The following SPRR1B variants were observed in gnomAD, a reference collection of about 807,000 sequenced individuals.
The protein encoded by SPRR1B is cornifin-B.
SPRR1B carries 1 observed loss-of-function variant against 1.2 expected under a neutral mutation model. That is an observed-to-expected ratio of 0.82 (90% CI 0.29 to 3.89). SPRR1B has a LOEUF of 3.89. Ranked by LOEUF, SPRR1B falls within the 30% of genes most tolerant of loss-of-function variation. The pLI, the probability that SPRR1B is intolerant of heterozygous loss-of-function variation, is 0.18. For missense variants in SPRR1B, 102 were observed against 106.0 expected, an observed-to-expected ratio of 0.96 and a Z score of 0.17; for synonymous variants, 37 against 38.3, an observed-to-expected ratio of 0.97 and a Z score of 0.13.
rs557843188 is a variant in SPRR1B, at chr1:153,032,876, C to G, written c.*261C>G. On this transcript the variant is annotated 3_prime_UTR_variant, in exon 2 of 2. Coordinates refer to ENST00000307098, the MANE Select transcript of SPRR1B (RefSeq NM_003125.3). ...GCAAATGATTCAGCTCCCTTATACC[C>G]CCATTAAATTCACTTTCAATTCCAC... The G allele has an allele frequency of 1.7e-6, 1 of 589,470 alleles. No individual in the cohort carries two copies. The highest frequency in any genetic ancestry group is 2.9e-5 in the South Asian group (1 of 34,950). 36.5% of individuals were successfully genotyped at this position (589,470 alleles called of 1,614,324 possible).
chr1:153,032,525 G>A lies in SPRR1B; in HGVS notation c.180G>A (p.Lys60=), dbSNP rs746640756. ...HPKVPEPCQP[K]VPEPCHPKVP... ...AAGTGCCCGAGCCCTGCCAGCCCAA[G>A]GTTCCAGAGCCATGCCACCCCAAGG... is the stretch of plus-strand genomic sequence containing the variant. The change falls in exon 2 of 2, where the codon AAG becomes AAA. Residue 60 remains lysine, a synonymous_variant. Transcript: ENST00000307098. 2.0e-6 allele frequency: 3 copies of A among 1,492,736 alleles called. No individual in the cohort carries two copies. The highest frequency in any genetic ancestry group is 2.8e-6 in the Non-Finnish European group (3 of 1,083,158). 92.5% of individuals were successfully genotyped at this position (1,492,736 alleles called of 1,614,324 possible).
rs1346256131 is a variant in SPRR1B at position 153,032,544 on chromosome 1, C to T, written c.199C>T (p.Pro67Ser). The change falls in exon 2 of 2, where the codon CCC becomes TCC. Residue 67 changes from proline (P) to serine (S), a missense_variant. Physicochemically the swap from Pro to Ser is moderately conservative, Grantham distance 74. Coordinates refer to ENST00000307098, the MANE Select transcript of SPRR1B (RefSeq NM_003125.3). ...GCCCAAGGTTCCAGAGCCATGCCAC[C>T]CCAAGGTGCCTGAGCCCTGCCCTTC... Reference protein sequence around the residue: ...CQPKVPEPCHPKVPEPCPSIV... With the variant: ...CQPKVPEPCHSKVPEPCPSIV... 1 of 1,608,168 alleles carries T rather than the reference C, an allele frequency of 6.2e-7. No individual in the cohort carries two copies. Among genetic ancestry groups the T allele is most frequent in the Non-Finnish European group, 8.5e-7 (1 of 1,175,566 alleles).
At position 153,032,351 on chromosome 1, in the gene SPRR1B, T is replaced by A. The variant is rs1420617336; in HGVS notation, c.6T>A (p.Ser2Arg). The change falls in exon 2 of 2, where the codon AGT becomes AGA. Residue 2 changes from serine (S) to arginine (R), a missense_variant. Transcript: ENST00000307098. Reference sequence around the variant, plus strand: ...GGACCAGTCACTGTTGCAGCATGAGTTCCCAGCAGCAGAAGCAGCCTTGCA... The same window carrying A: ...GGACCAGTCACTGTTGCAGCATGAGATCCCAGCAGCAGAAGCAGCCTTGCA... MSSQQQKQPCTP... is the reference protein window; with the variant it reads MRSQQQKQPCTP... 2 of 1,613,322 alleles carry A rather than the reference T, an allele frequency of 1.2e-6. No individual in the cohort carries two copies. Among genetic ancestry groups the A allele is most frequent in the Non-Finnish European group, 1.7e-6 (2 of 1,179,778 alleles).
At chr1:153,032,156 G>T (rs901252877) in intron 1 of SPRR1B, among the ~76,000 whole-genome samples, 171 bp from the exon 2 acceptor site, 1 of 152,156 alleles carries the variant, frequency 6.6e-6, no homozygotes, top group Admixed American at 6.5e-5. Flanking sequence ...CTCCAGTGGA[G>T]CAAGAGCAAA....
intron 1 of SPRR1B, among the ~76,000 whole-genome samples, chr1:153,031,581 T>C (rs1653709615): frequency 6.6e-6 from 1 of 152,244 alleles, no homozygotes; most frequent in Non-Finnish European, 1.5e-5. Flanking sequence ...TTATAATTCC[T>C]TCTTATTTAT....
intron 1 of SPRR1B, 36 bp from the exon 2 acceptor site, chr1:153,032,291 A>G: frequency 4.4e-6 from 7 of 1,578,636 alleles, no homozygotes; most frequent in Non-Finnish European, 6.0e-6. Flanking sequence ...CTTCTTCCCT[A>G]TTATTCTCTG....
In SPRR1B at chr1:153,032,423, G is replaced by C. The variant is rs747285031; in HGVS notation, c.78G>C (p.Gln26His). The C allele has an allele frequency of 8.7e-6, 14 of 1,613,764 alleles. No homozygotes were observed. Among genetic ancestry groups the C allele is most frequent in the Non-Finnish European group, 1.1e-5 (13 of 1,180,000 alleles). The change falls in exon 2 of 2, where the codon CAG (glutamine) becomes CAC (histidine). Residue 26 changes from glutamine to histidine, a missense_variant. Physicochemically the swap from Gln to His is conservative, Grantham distance 24. Coordinates refer to ENST00000307098, the MANE Select transcript of SPRR1B (RefSeq NM_003125.3). ...AGCAGCAGGTGAAACAGCCTTGCCA[G>C]CCTCCACCTCAGGAACCATGCATCC... is the stretch of plus-strand genomic sequence containing the variant. Reference protein sequence around the residue: ...LQQQQVKQPCQPPPQEPCIPK... With the variant: ...LQQQQVKQPCHPPPQEPCIPK...
chr1:153,031,447 C>T (rs1653704682), intron 1 of SPRR1B, among the ~76,000 whole-genome samples, 200 bp downstream of exon 1: 1 of 152,216 alleles, frequency 6.6e-6, no homozygotes, highest in East Asian at 1.9e-4. Flanking sequence ...AGAATTTAGA[C>T]ATTATCAGTT....
In SPRR1B at chr1:153,032,705, T is replaced by A. The variant is rs1653747681; in HGVS notation, c.*90T>A. ...CGTATGAGTCCCATTTGCCTTGCAA[T>A]TAGCATTCTGTCTCCCCCAAAAAAG... On this transcript the variant is annotated 3_prime_UTR_variant, in exon 2 of 2. Transcript: ENST00000307098. 1 of 1,529,870 alleles carries A rather than the reference T, an allele frequency of 6.5e-7. No homozygotes were observed. Among genetic ancestry groups the A allele is most frequent in the South Asian group, 1.3e-5 (1 of 76,746 alleles). 94.8% of individuals were successfully genotyped at this position (1,529,870 alleles called of 1,614,324 possible).
chr1:153,032,768 T>A lies in SPRR1B; in HGVS notation c.*153T>A, dbSNP rs975723006. 21 of 1,351,880 alleles carry A rather than the reference T, an allele frequency of 1.6e-5. No individual in the cohort carries two copies. The African/African-American group carries it at 2.7e-4, about 17-fold the overall frequency. The allele number at this position is 1,351,880 out of a possible 1,614,324, so 83.7% of individuals were successfully genotyped here. A position where few individuals can be genotyped will look rare whatever the true frequency, so the allele number is the denominator to read the frequency against. On this transcript the variant is annotated 3_prime_UTR_variant, in exon 2 of 2. Transcript: ENST00000307098. ...AGCTTTCTTTCCTACACACTCTGAG[T>A]CTCTGAATGAAGCTGAAGGTCTTAG...
At chr1:153,032,159 A>G (rs996910469) in intron 1 of SPRR1B, among the ~76,000 whole-genome samples, 168 bp from the exon 2 acceptor site, 1 of 152,212 alleles carries the variant, frequency 6.6e-6, no homozygotes, top group Non-Finnish European at 1.5e-5. Context: ...CAGTGGAGCA[A>G]GAGCAAATCA....
chr1:153,032,181 C>A (rs1266548005), intron 1 of SPRR1B, 146 bp from the exon 2 acceptor site: 1 of 1,096,426 alleles, frequency 9.1e-7, no homozygotes, highest in Non-Finnish European at 1.3e-6. Flanking sequence ...CTTTAGGTTC[C>A]TCTTCTTCAA....
In SPRR1B at chr1:153,032,620, G is replaced by A. The variant is rs1035072862; in HGVS notation, c.*5G>A. ...CAGAAGACCAAGCAGAAGTAATGTG[G>A]TCCACAGCCATGCCCTTGAGGAGCC... On this transcript the variant is annotated 3_prime_UTR_variant, in exon 2 of 2. Coordinates refer to ENST00000307098, the MANE Select transcript of SPRR1B (RefSeq NM_003125.3). 5 of 1,612,574 alleles carry A rather than the reference G, an allele frequency of 3.1e-6. No individual in the cohort carries two copies. Among genetic ancestry groups the A allele is most frequent in the Non-Finnish European group, 4.2e-6 (5 of 1,179,088 alleles).
At position 153,032,573 on chromosome 1, in the gene SPRR1B, A is replaced by G. The variant is rs756135046; in HGVS notation, c.228A>G (p.Ile76Met). 6.2e-6 allele frequency: 10 copies of G among 1,613,690 alleles called. No individual in the cohort carries two copies. The East Asian group carries it at 8.9e-5, about 14-fold the overall frequency. The change falls in exon 2 of 2, where the codon ATA becomes ATG. Residue 76 changes from isoleucine to methionine, a missense_variant. Ile to Met is a conservative substitution (Grantham distance 10). Coordinates refer to ENST00000307098, the MANE Select transcript of SPRR1B (RefSeq NM_003125.3). ...HPKVPEPCPS[I>M]VTPAPAQQKT... ...AGGTGCCTGAGCCCTGCCCTTCAAT[A>G]GTCACTCCAGCACCAGCCCAGCAGA...
rs147252866 is a variant in SPRR1B, at chr1:153,032,400, C to G, written c.55C>G (p.Gln19Glu). ...PCTPPPQLQQ[Q>E]QVKQPCQPPP... is the part of the protein sequence containing the mutation. ...CACCCCACCCCCTCAGCTTCAGCAGCAGCAGGTGAAACAGCCTTGCCAGCC... is the reference window on the plus strand; with the variant it reads ...CACCCCACCCCCTCAGCTTCAGCAGGAGCAGGTGAAACAGCCTTGCCAGCC... The change falls in exon 2 of 2, where the codon CAG becomes GAG. Residue 19 changes from glutamine to glutamate, a missense_variant. Coordinates refer to ENST00000307098, the MANE Select transcript of SPRR1B (RefSeq NM_003125.3). 1 of 1,613,880 alleles carries G rather than the reference C, an allele frequency of 6.2e-7. No individual in the cohort carries two copies. Among genetic ancestry groups the G allele is most frequent in the Admixed American group, 1.7e-5 (1 of 59,990 alleles).
chr1:153,031,943 G>T (rs1279035573), intron 1 of SPRR1B, among the ~76,000 whole-genome samples: 1 of 152,158 alleles, frequency 6.6e-6, no homozygotes, highest in Non-Finnish European at 1.5e-5. Context: ...GGATTGCTTG[G>T]GGTTCTAGAG....
Position 153,032,377 on chromosome 1 carries a change from C to T in SPRR1B, c.32C>T (p.Thr11Ile), listed in dbSNP as rs3795382. MSSQQQKQPC[T>I]PPPQLQQQQV... ...TCCCAGCAGCAGAAGCAGCCTTGCA[C>T]CCCACCCCCTCAGCTTCAGCAGCAG... Residue 11 changes from threonine (T) to isoleucine (I), a missense_variant, in exon 2 of 2, where the codon ACC becomes ATC. Coordinates refer to ENST00000307098, the MANE Select transcript of SPRR1B (RefSeq NM_003125.3). The T allele has an allele frequency of 0.51, 824,686 of 1,613,144 alleles. 212,687 individuals carry two copies. Among genetic ancestry groups the T allele is most frequent in the East Asian group, 0.62 (27,769 of 44,814 alleles).
chr1:153,031,879 T>A (rs1264935476), intron 1 of SPRR1B, among the ~76,000 whole-genome samples: 2 of 152,038 alleles, frequency 1.3e-5, no homozygotes, highest in Non-Finnish European at 2.9e-5. Flanking sequence ...CTTGAATGAG[T>A]AGGAACAAGG....
chr1:153,032,612 G>T lies in SPRR1B; in HGVS notation c.267G>T (p.Lys89Asn). The T allele has an allele frequency of 6.2e-7, 1 of 1,613,552 alleles. No individual in the cohort carries two copies. The highest frequency in any genetic ancestry group is 8.5e-7 in the Non-Finnish European group (1 of 1,179,680). ...PAPAQQKTKQ[K>N] Reference sequence around the variant, plus strand: ...CAGCCCAGCAGAAGACCAAGCAGAAGTAATGTGGTCCACAGCCATGCCCTT... The same window carrying T: ...CAGCCCAGCAGAAGACCAAGCAGAATTAATGTGGTCCACAGCCATGCCCTT... Residue 89 changes from lysine to asparagine, a missense_variant, in exon 2 of 2, where the codon AAG becomes AAT. Lys to Asn is a moderately conservative substitution (Grantham distance 94). Transcript: ENST00000307098.
Sources: gnomAD v4.1 joint callset for allele counts (sites outside exome capture counted in the v4.1 genomes callset) on GRCh38, gnomAD v4.1.1 for gene constraint, MANE v1.5 for transcripts, NCBI Gene and HGNC (gene_info 2026-07-23, HGNC 2026-07-21) for gene names.